The following ABCA13 variants were observed in gnomAD, a reference collection of about 807,000 sequenced individuals.
ABCA13 encodes ATP binding cassette subfamily A member 13.
In ABCA13, 476 loss-of-function variants were observed where a neutral mutation model predicts 478.7. The observed-to-expected ratio is 0.99, with a 90% confidence interval of 0.92 to 1.07. ABCA13 has a LOEUF of 1.07. Among genes scored for constraint, ABCA13 ranks in the 50% least tolerant of loss-of-function variants. The pLI, the probability that ABCA13 is intolerant of heterozygous loss-of-function variation, is 0.00. For missense variants in ABCA13, 6,060 were observed against 5,910.6 expected (o/e 1.03, Z -0.83); for synonymous variants, 2,252 against 2,158.9 (o/e 1.04, Z -1.20).
At chr7:48,576,225 C>A (rs1788168728) in intron 55 of ABCA13, among the ~76,000 whole-genome samples, 1 of 152,006 alleles carries the variant, frequency 6.6e-6, no homozygotes, top group Admixed American at 6.6e-5. Flanking sequence ...AACGACTGTA[C>A]TAGAAGGAAG....
At position 48,629,540 on chromosome 7, in the gene ABCA13, C is replaced by CA. The variant is rs1210326622; in HGVS notation, c.14838-13740dup. ...TTTTCATTCCATTTTTATAAAAGAA[C>CA]AAAAAAAATTCCTAAAGCATCAGTT... On this transcript the variant is annotated intron_variant, in intron 59 of 61. Coordinates refer to ENST00000435803, the MANE Select transcript of ABCA13 (RefSeq NM_152701.5). 3.2e-4 allele frequency among the ~76,000 whole-genome samples: 5 copies of CA among 15,828 alleles called. No homozygotes were observed. In the South Asian group the frequency reaches 5.9e-3, roughly 19 times the overall value. 10.4% of individuals were successfully genotyped at this position (15,828 alleles called of 152,430 possible). A position where few individuals can be genotyped will look rare whatever the true frequency, so the allele number is the denominator to read the frequency against.
At chr7:48,289,691 G>A (rs966320806) in intron 20 of ABCA13, among the ~76,000 whole-genome samples, 1 of 152,096 alleles carries the variant, frequency 6.6e-6, no homozygotes, top group Non-Finnish European at 1.5e-5. Flanking sequence ...ATGAGTGAAG[G>A]TTATAATAAT....
chr7:48,407,124 A>G (rs2129082691), intron 39 of ABCA13, among the ~76,000 whole-genome samples: 1 of 152,038 alleles, frequency 6.6e-6, no homozygotes, highest in East Asian at 1.9e-4. Context: ...TACACTGTTG[A>G]CTCCTTATAT....
chr7:48,283,097 G>A (rs73323705), intron 19 of ABCA13, among the ~76,000 whole-genome samples: 5,447 of 152,186 alleles, frequency 0.036, 226 homozygotes, highest in African/African-American at 0.1. Context: ...AAACTGTGGG[G>A]GCCTGGGGAG....
chr7:48,456,804 A>G (rs1353003291), intron 43 of ABCA13, among the ~76,000 whole-genome samples: 1 of 144,230 alleles, frequency 6.9e-6, no homozygotes, highest in Non-Finnish European at 1.5e-5. Context: ...AGGTTTATTT[A>G]TTTGTTTTTT....
chr7:48,329,176 A>G (rs183011861), intron 27 of ABCA13, among the ~76,000 whole-genome samples: 105 of 152,326 alleles, frequency 6.9e-4, no homozygotes, highest in East Asian at 4.1e-3. Context: ...ATACCAACAT[A>G]ATGCATCTGT....
In ABCA13 at chr7:48,526,892, T is replaced by C. The variant is rs1172765980; in HGVS notation, c.14245-1344T>C. 2.6e-5 allele frequency among the ~76,000 whole-genome samples: 4 copies of C among 152,212 alleles called. No individual in the cohort carries two copies. The East Asian group carries it at 7.7e-4, about 29-fold the overall frequency. ...ACTATGTTACATGGGAGCATAAGCA[T>C]TGTCCCAAGGCAGGGACTGTGATAT... On this transcript the variant is annotated intron_variant, in intron 54 of 61. Coordinates refer to ENST00000435803, the MANE Select transcript of ABCA13 (RefSeq NM_152701.5).
chr7:48,341,132 A>G (rs978091966), intron 29 of ABCA13, among the ~76,000 whole-genome samples: 16 of 152,174 alleles, frequency 1.1e-4, no homozygotes, highest in African/African-American at 3.6e-4. Flanking sequence ...GAGTCAGGCT[A>G]TGCATTATAA....
At chr7:48,316,618 C>T (rs1051761384) in intron 26 of ABCA13, among the ~76,000 whole-genome samples, 1 of 152,110 alleles carries the variant, frequency 6.6e-6, no homozygotes, top group African/African-American at 2.4e-5. Context: ...ATATCAGACA[C>T]TGGGTAATTT....
At chr7:48,526,491 G>C (rs1257991153) in intron 54 of ABCA13, among the ~76,000 whole-genome samples, 2 of 152,132 alleles carry the variant, frequency 1.3e-5, no homozygotes, top group South Asian at 2.1e-4. Flanking sequence ...ATACAGAAAT[G>C]ACTAAGATAC....
intron 30 of ABCA13, among the ~76,000 whole-genome samples, chr7:48,351,377 A>T (rs920888075): frequency 1.3e-5 from 2 of 152,244 alleles, no homozygotes; most frequent in African/African-American, 4.8e-5. Context: ...GTAACAAAGT[A>T]TCGCAGACTA....
rs747671656 is a variant in ABCA13, at chr7:48,279,588, T to C, written c.8394T>C (p.Tyr2798=). 6 of 1,613,292 alleles carry C rather than the reference T, an allele frequency of 3.7e-6. No individual in the cohort carries two copies. Among genetic ancestry groups the C allele is most frequent in the Admixed American group, 1.7e-5 (1 of 59,990 alleles). ...AAGGTGATTTGAATAAAAGTTTATA[T>C]TTTGACACACCTTTGAGTCAGAATA... The part of the protein sequence containing the change: ...DYEGDLNKSL[Y]FDTPLSQNIT... The change falls in exon 18 of 62, where the codon TAT becomes TAC. Residue 2798 remains tyrosine, a synonymous_variant. Transcript: ENST00000435803.
rs1562942518 is a variant in ABCA13, at chr7:48,275,361, AT to A, written c.5697del (p.Leu1900PhefsTer15). 1.1e-5 allele frequency: 17 copies of A among 1,613,960 alleles called. No homozygotes were observed. The highest frequency in any genetic ancestry group is 1.4e-5 in the Non-Finnish European group (17 of 1,179,866). On this transcript the variant is annotated frameshift_variant, in exon 17 of 62. Transcript: ENST00000435803. LOFTEE classifies it high-confidence loss of function. ...TCATGAATTAGTGGACTGGAATTCT[AT>A]TCTTCTGGAGCTCTCTGAAGTCTTC... Reference protein sequence around the residue: ...IIHELVDWNSILLELSEVFHV... With the variant: ...IIHELVDWNSXLLELSEVFHV...
chr7:48,355,977 T>A (rs1312466587), intron 31 of ABCA13, among the ~76,000 whole-genome samples: 1 of 151,712 alleles, frequency 6.6e-6, no homozygotes, highest in African/African-American at 2.4e-5. Context: ...GATATTACCA[T>A]GGGAAGGAGT....
chr7:48,530,281 T>C (rs1015799200), intron 55 of ABCA13, among the ~76,000 whole-genome samples: 1 of 151,978 alleles, frequency 6.6e-6, no homozygotes, highest in Non-Finnish European at 1.5e-5. Flanking sequence ...TAGTTCCTTT[T>C]TGTGGCTGAG....
At chr7:48,527,287 A>G (rs12531965) in intron 54 of ABCA13, among the ~76,000 whole-genome samples, 4 of 152,094 alleles carry the variant, frequency 2.6e-5, no homozygotes, top group Admixed American at 6.6e-5. Context: ...ATTGAAGCAG[A>G]TGGCAACTCA....
intron 31 of ABCA13, among the ~76,000 whole-genome samples, chr7:48,358,104 T>C (rs1470088059): frequency 3.3e-5 from 5 of 149,844 alleles, no homozygotes; most frequent in Admixed American, 3.3e-4. Context: ...ATTGCACCAT[T>C]GCACTCCAGC....
At chr7:48,467,360 G>A (rs1355191578) in intron 44 of ABCA13, among the ~76,000 whole-genome samples, 3 of 152,020 alleles carry the variant, frequency 2.0e-5, no homozygotes, top group Non-Finnish European at 4.4e-5. Context: ...AATGAAGTAG[G>A]AATTAAGTCT....
chr7:48,629,681 G>T (rs755373162), intron 59 of ABCA13, among the ~76,000 whole-genome samples: 2 of 151,638 alleles, frequency 1.3e-5, no homozygotes, highest in Admixed American at 1.3e-4. Context: ...GGGCTGGCCT[G>T]GGCTGGATTT....
Sources: gnomAD v4.1 joint callset for allele counts (sites outside exome capture counted in the v4.1 genomes callset) on GRCh38, gnomAD v4.1.1 for gene constraint, MANE v1.5 for transcripts, NCBI Gene and HGNC (gene_info 2026-07-23, HGNC 2026-07-21) for gene names.